The following CYSLTR1 variants were observed in gnomAD, a reference collection of about 807,000 sequenced individuals.
The protein encoded by CYSLTR1 is G-protein coupled receptor HG55.
Under a neutral mutation model 2.1 loss-of-function variants are expected in CYSLTR1, and 1 was observed. The observed-to-expected ratio is 0.48, with a 90% CI of 0.17 to 2.28. CYSLTR1 has a LOEUF of 2.28. Among genes scored for constraint, CYSLTR1 ranks in the 30% most tolerant of loss-of-function variants. CYSLTR1 has a pLI of 0.26. For synonymous variants in CYSLTR1, 110 were observed against 89.6 expected (o/e 1.23, Z -1.28); for missense variants, 299 against 250.1 (o/e 1.20, Z -1.32).
chrX:78,273,459 G>A lies in CYSLTR1; in HGVS notation c.288C>T (p.Cys96=), dbSNP rs1242933970. 1.7e-6 allele frequency: 2 copies of A among 1,209,757 alleles called. No homozygotes were observed. The highest frequency in any genetic ancestry group is 1.8e-5 in the South Asian group (1 of 56,795). Residue 96 remains cysteine, a synonymous_variant, in exon 3 of 3, where the codon TGC becomes TGT. Coordinates refer to ENST00000373304, the MANE Select transcript of CYSLTR1 (RefSeq NM_006639.4). ...CATACAAAGCATAGGTGCTGAGGCG[G>A]CACAAGAAGTCACCAAAGAGCCAAA... ...KGIWLFGDFL[C]RLSTYALYVN... is the part of the protein sequence containing the mutation.
At chrX:78,303,070 A>G (rs1302858076) in intron 1 of CYSLTR1, among the ~76,000 whole-genome samples, 2 of 111,705 alleles carry the variant, frequency 1.8e-5, no homozygotes, top group Non-Finnish European at 3.8e-5. Flanking sequence ...AGCCCACAGC[A>G]TCAAGACTTG....
intron 1 of CYSLTR1, among the ~76,000 whole-genome samples, chrX:78,300,870 C>T (rs1282248463): frequency 8.9e-6 from 1 of 112,888 alleles, no homozygotes; most frequent in Non-Finnish European, 1.9e-5. Context: ...GCCCCTCCAG[C>T]AAATTTCTGC....
chrX:78,308,541 A>G (rs1923111238), intron 1 of CYSLTR1, among the ~76,000 whole-genome samples: 1 of 111,762 alleles, frequency 8.9e-6, no homozygotes, highest in Non-Finnish European at 1.9e-5. Flanking sequence ...AGATCAGCTT[A>G]TATTAAATAC....
chrX:78,306,462 C>T (rs1275240237), intron 1 of CYSLTR1, among the ~76,000 whole-genome samples: 1 of 111,676 alleles, frequency 9.0e-6, no homozygotes, highest in Non-Finnish European at 1.9e-5. Context: ...CTGCACCCAG[C>T]CTCCATTGAG....
At chrX:78,283,202 ACTTAAGACCTCATCCCTGC>A (rs1164390293) in intron 2 of CYSLTR1, among the ~76,000 whole-genome samples, 1 of 111,851 alleles carries the variant, frequency 8.9e-6, no homozygotes, top group Non-Finnish European at 1.9e-5. Context: ...AATATAAGAT[ACTTAAGACCTCATCCCTGC>A]CTTCAAGCAG....
intron 1 of CYSLTR1, among the ~76,000 whole-genome samples, chrX:78,292,473 G>A (rs774985591): frequency 1.8e-5 from 2 of 112,064 alleles, no homozygotes; most frequent in Non-Finnish European, 3.8e-5. Context: ...TTCTGTAGAT[G>A]TCTATTAGGT....
intron 1 of CYSLTR1, among the ~76,000 whole-genome samples, chrX:78,307,133 C>T (rs1020508456): frequency 1.8e-5 from 2 of 111,686 alleles, no homozygotes; most frequent in African/African-American, 6.5e-5. Context: ...AAACAACATC[C>T]AATTATTTTC....
At chrX:78,327,023 T>A (rs753434961) in intron 1 of CYSLTR1, among the ~76,000 whole-genome samples, 4 of 111,981 alleles carry the variant, frequency 3.6e-5, no homozygotes, top group Admixed American at 9.5e-5. Context: ...ATTTCTGGCT[T>A]AAATTACAAA....
At chrX:78,291,022 C>G (rs1481408461) in intron 1 of CYSLTR1, among the ~76,000 whole-genome samples, 1 of 111,885 alleles carries the variant, frequency 8.9e-6, no homozygotes, top group Non-Finnish European at 1.9e-5. Context: ...AGAGGGCATC[C>G]TTGTCTTCAG....
intron 1 of CYSLTR1, among the ~76,000 whole-genome samples, chrX:78,326,414 A>AG (rs1310067249): frequency 8.9e-6 from 1 of 112,331 alleles, no homozygotes; most frequent in Non-Finnish European, 1.9e-5. Context: ...TTCTTTTAAA[A>AG]TAATCATTTG....
At chrX:78,306,719 C>T (rs909252758) in intron 1 of CYSLTR1, among the ~76,000 whole-genome samples, 1 of 111,449 alleles carries the variant, frequency 9.0e-6, no homozygotes, top group Non-Finnish European at 1.9e-5. Flanking sequence ...TACTTAACTT[C>T]TCTGATACTG....
intron 1 of CYSLTR1, among the ~76,000 whole-genome samples, chrX:78,316,225 T>C (rs958029166): frequency 1.2e-4 from 13 of 112,551 alleles, no homozygotes; most frequent in Non-Finnish European, 9.4e-5. Flanking sequence ...AAGCCATCCC[T>C]GACTGTATGT....
At chrX:78,304,205 C>A (rs1922938927) in intron 1 of CYSLTR1, among the ~76,000 whole-genome samples, 1 of 112,192 alleles carries the variant, frequency 8.9e-6, no homozygotes, top group African/African-American at 3.2e-5. Context: ...AGTTGTCTCA[C>A]TTGTCAAAGC....
intron 2 of CYSLTR1, among the ~76,000 whole-genome samples, chrX:78,281,126 A>G (rs1192587068): frequency 9.0e-6 from 1 of 111,270 alleles, no homozygotes; most frequent in African/African-American, 3.3e-5. Context: ...GGGTGGAATG[A>G]TAGTTCTATT....
At chrX:78,321,136 CGTGT>C (rs56157358) in intron 1 of CYSLTR1, 2,981 of 91,563 alleles carry the variant, frequency 0.033, 30 homozygotes, top group Non-Finnish European at 0.034. Context: ...GGAAGGAGCA[CGTGT>C]GTGTGTGTGT....
intron 1 of CYSLTR1, among the ~76,000 whole-genome samples, chrX:78,295,424 A>G (rs1192772406): frequency 9.5e-6 from 1 of 105,161 alleles, no homozygotes; most frequent in African/African-American, 3.5e-5. Context: ...TGGGAGTGCC[A>G]GATCATATGG....
At chrX:78,319,271 C>T (rs1246566220) in intron 1 of CYSLTR1, 31 of 69,408 alleles carry the variant, frequency 4.5e-4, no homozygotes, top group African/African-American at 1.6e-3. Context: ...CCCCTCCCCC[C>T]ACCCCACAAC....
chrX:78,318,587 C>T (rs910742857), intron 1 of CYSLTR1, among the ~76,000 whole-genome samples: 2 of 112,065 alleles, frequency 1.8e-5, no homozygotes, highest in African/African-American at 6.5e-5. Context: ...AATCTCTGTC[C>T]ACCACAGCCA....
chrX:78,306,972 A>G lies in CYSLTR1; in HGVS notation c.-115+20333T>C, dbSNP rs759586577. ...GAGAAAATATTTTCAATGAAGTAATAAATTTTTAACTAAATTACAAGGATT... is the reference window on the plus strand; with the variant it reads ...GAGAAAATATTTTCAATGAAGTAATGAATTTTTAACTAAATTACAAGGATT... On this transcript the variant is annotated intron_variant, in intron 1 of 2. Coordinates refer to ENST00000373304, the MANE Select transcript of CYSLTR1 (RefSeq NM_006639.4). Among the ~76,000 whole-genome samples the G allele has an allele frequency of 1.2e-4, 13 of 112,230 alleles. No homozygotes were observed. The South Asian group carries it at 3.7e-3, about 32-fold the overall frequency.
Sources: allele counts gnomAD v4.1 joint callset (sites outside exome capture counted in the v4.1 genomes callset), GRCh38; gene constraint gnomAD v4.1.1; transcripts MANE v1.5; gene names NCBI Gene and HGNC (gene_info 2026-07-23, HGNC 2026-07-21).